Variants in PCDHA8 observed in about 807,000 individuals in gnomAD.
PCDHA8 encodes protocadherin alpha 8, also known as protocadherin alpha-8.
PCDHA8 carries 53 observed loss-of-function variants against 61.8 expected under a neutral mutation model. The observed-to-expected ratio is 0.86, with a 90% CI of 0.69 to 1.08. The LOEUF (loss-of-function observed/expected upper bound fraction) is 1.08. Among genes scored for constraint, PCDHA8 ranks in the 50% least tolerant of loss-of-function variants. The probability of loss-of-function intolerance (pLI) is 0.00; values close to 1 mark genes in which losing one functional copy is unlikely to be tolerated. For missense variants in PCDHA8, 1,293 were observed against 1,245.0 expected (o/e 1.04, Z -0.58); for synonymous variants, 618 against 556.6 (o/e 1.11, Z -1.55).
At chr5:140,967,585 C>T (rs1278675624) in intron 1 of PCDHA8, 1 of 1,614,152 alleles carries the variant, frequency 6.2e-7, no homozygotes, top group Non-Finnish European at 8.5e-7. Flanking sequence ...CACCCCCAGG[C>T]ACATTGGTGG....
intron 1 of PCDHA8, among the ~76,000 whole-genome samples, chr5:140,943,825 T>C (rs1421631991): frequency 6.6e-6 from 1 of 152,128 alleles, no homozygotes; most frequent in East Asian, 1.9e-4. Context: ...GAAAATGAGT[T>C]GATTGAAGTT....
chr5:140,877,706 T>TG (rs781796819), intron 1 of PCDHA8: 16 of 1,613,800 alleles, frequency 9.9e-6, no homozygotes, highest in Non-Finnish European at 1.4e-5. Context: ...TCCAGCGCCG[T>TG]GGGGAGTTGG....
intron 3 of PCDHA8, among the ~76,000 whole-genome samples, chr5:140,988,745 G>A (rs943188955): frequency 3.9e-5 from 6 of 152,152 alleles, no homozygotes; most frequent in Non-Finnish European, 5.9e-5. Flanking sequence ...TCTAGGATTG[G>A]TGGCCTGGGC....
intron 3 of PCDHA8, among the ~76,000 whole-genome samples, chr5:141,007,519 T>A (rs1554261363): frequency 6.6e-6 from 1 of 151,934 alleles, no homozygotes; most frequent in African/African-American, 2.4e-5. Context: ...AGTGAGCTGA[T>A]ATCTCGCCAC....
At chr5:140,966,790 T>C in intron 1 of PCDHA8, 1 of 1,529,556 alleles carries the variant, frequency 6.5e-7, no homozygotes, top group Non-Finnish European at 8.8e-7. Context: ...GCACCAGACC[T>C]GCGGCGACAG....
chr5:140,923,885 AGAG>A (rs1190900836), intron 1 of PCDHA8, among the ~76,000 whole-genome samples: 7 of 152,210 alleles, frequency 4.6e-5, no homozygotes, highest in Non-Finnish European at 8.8e-5. Flanking sequence ...AGCGTGTGAA[AGAG>A]GAGGAGTTTC....
chr5:140,869,786 T>C lies in PCDHA8; in HGVS notation c.2394+26071T>C, dbSNP rs1554163459. On this transcript the variant is annotated intron_variant, in intron 1 of 3. Transcript: ENST00000531613. ...CCAGAGCTTACTGGCACCGTTCGGC[T>C]GTTAGTCCAAGTCTTGGATGTCAAC... 1.9e-6 allele frequency: 3 copies of C among 1,612,992 alleles called. No homozygotes were observed. The East Asian group carries it at 6.7e-5, about 36-fold the overall frequency.
At chr5:140,930,906 C>T (rs1235701028) in intron 1 of PCDHA8, among the ~76,000 whole-genome samples, 1 of 152,134 alleles carries the variant, frequency 6.6e-6, no homozygotes, top group African/African-American at 2.4e-5. Flanking sequence ...ACTTACTTTT[C>T]TACTTTAGAT....
chr5:140,965,193 A>G (rs1232668450), intron 1 of PCDHA8, among the ~76,000 whole-genome samples: 1 of 152,252 alleles, frequency 6.6e-6, no homozygotes, highest in East Asian at 1.9e-4. Flanking sequence ...CACATGAGGC[A>G]ATAGATTTCA....
At chr5:140,969,037 C>A (rs1554231375) in intron 1 of PCDHA8, 6 of 1,614,158 alleles carry the variant, frequency 3.7e-6, no homozygotes, top group Non-Finnish European at 5.1e-6. Flanking sequence ...CAGAACTGTA[C>A]AAACAAGCCA....
intron 1 of PCDHA8, chr5:140,855,953 TA>T: frequency 7.2e-7 from 1 of 1,381,088 alleles, no homozygotes; most frequent in Non-Finnish European, 9.9e-7. Context: ...GCCATTTCGA[TA>T]AAAAATAGAT....
rs189226531 is a variant in PCDHA8, at chr5:140,874,455, T to C, written c.2394+30740T>C. 5.3e-5 allele frequency among the ~76,000 whole-genome samples: 8 copies of C among 152,332 alleles called. No homozygotes were observed. The East Asian group carries it at 1.5e-3, about 29-fold the overall frequency. On this transcript the variant is annotated intron_variant, in intron 1 of 3. Coordinates refer to ENST00000531613, the MANE Select transcript of PCDHA8 (RefSeq NM_018911.3). ...CATGTCCTAACTACTAAATGACCTG[T>C]AGGGGAAGATTTAGAGAAAAAGCAA...
intron 1 of PCDHA8, chr5:140,883,461 T>C: frequency 2.5e-6 from 4 of 1,614,144 alleles, no homozygotes; most frequent in Non-Finnish European, 3.4e-6. Context: ...TTCAAGCTGG[T>C]GTCCACCTAC....
At chr5:140,852,973 T>G (rs2150526500) in intron 1 of PCDHA8, 26 of 368,004 alleles carry the variant, frequency 7.1e-5, no homozygotes, top group Non-Finnish European at 9.8e-5. Flanking sequence ...CCCCCTCCCG[T>G]GTTCACGCCA....
At chr5:140,915,831 G>T (rs1326644343) in intron 1 of PCDHA8, among the ~76,000 whole-genome samples, 1 of 152,168 alleles carries the variant, frequency 6.6e-6, no homozygotes, top group Non-Finnish European at 1.5e-5. Flanking sequence ...AGGGCTCTAA[G>T]ATCAGCAGGG....
intron 1 of PCDHA8, chr5:140,858,069 C>A: frequency 6.3e-7 from 1 of 1,597,662 alleles, no homozygotes; most frequent in Non-Finnish European, 8.6e-7. Flanking sequence ...GGCAGCCAGG[C>A]ACCCAAGGCC....
chr5:140,976,466 G>C (rs1404890940), intron 1 of PCDHA8, among the ~76,000 whole-genome samples: 1 of 152,104 alleles, frequency 6.6e-6, no homozygotes, highest in African/African-American at 2.4e-5. Flanking sequence ...AAGAAGAATT[G>C]CTTGAATCCG....
chr5:140,899,909 G>A (rs1401600020), intron 1 of PCDHA8, among the ~76,000 whole-genome samples: 1 of 152,134 alleles, frequency 6.6e-6, no homozygotes, highest in Non-Finnish European at 1.5e-5. Flanking sequence ...CTGGGCTCAA[G>A]CAATCCTCCT....
Position 140,841,447 on chromosome 5 carries a change from C to A in PCDHA8, c.126C>A (p.Gly42=). The part of the protein sequence containing the change: ...HYSVPEEAKH[G]TFVGRIAQDL... ...CCGTCCCCGAGGAGGCCAAACACGG[C>A]ACCTTCGTGGGCCGGATCGCGCAGG... The change falls in exon 1 of 4, where the codon GGC becomes GGA. Residue 42 remains glycine, a synonymous_variant. Coordinates refer to ENST00000531613, the MANE Select transcript of PCDHA8 (RefSeq NM_018911.3). 6.2e-7 allele frequency: 1 copy of A among 1,612,948 alleles called. No homozygotes were observed. The highest frequency in any genetic ancestry group is 8.5e-7 in the Non-Finnish European group (1 of 1,179,870).
Sources: allele counts gnomAD v4.1 joint callset (sites outside exome capture counted in the v4.1 genomes callset), GRCh38; gene constraint gnomAD v4.1.1; transcripts MANE v1.5; gene names NCBI Gene and HGNC (gene_info 2026-07-23, HGNC 2026-07-21).